The following ERCC6L2 variants were observed in gnomAD, a reference collection of about 807,000 sequenced individuals.
ERCC6L2 encodes the protein ERCC excision repair 6 like 2.
ERCC6L2 carries 77 observed loss-of-function variants against 132.0 expected under a neutral mutation model. That is an observed-to-expected ratio of 0.58 (90% confidence interval 0.49 to 0.71). The LOEUF (loss-of-function observed/expected upper bound fraction) is 0.71. ERCC6L2 is among the 30% of genes least tolerant of loss of function. The pLI is 0.00. For missense variants in ERCC6L2, 1,542 were observed against 1,837.6 expected (o/e 0.84, Z 2.94); for synonymous variants, 583 against 632.4 (o/e 0.92, Z 1.17).
At chr9:95,886,610 A>G (rs145875509) in intron 2 of ERCC6L2, among the ~76,000 whole-genome samples, 117 of 152,324 alleles carry the variant, frequency 7.7e-4, no homozygotes, top group African/African-American at 2.7e-3. Flanking sequence ...ATTGGTTGAC[A>G]TTTGATAAGT....
intron 17 of ERCC6L2, among the ~76,000 whole-genome samples, chr9:95,979,886 G>GT (rs544794388): frequency 2.0e-4 from 30 of 151,588 alleles, no homozygotes; most frequent in Admixed American, 7.2e-4. Context: ...TTTTTATTAG[G>GT]TTTTTTTTTA....
Position 95,973,001 on chromosome 9 carries a change from AC to A in ERCC6L2, c.3251del (p.Thr1084IlefsTer8), listed in dbSNP as rs1341793684. ...GCCTAGCCATAATAAGAAAAATAGC[AC>A]TTTTATTCCAAGAAAACCAATGAAA... ...KLPSHNKKNSTFIPRKPMKCS... is the reference protein window; with the variant it reads ...KLPSHNKKNSXFIPRKPMKCS... On this transcript the variant is annotated frameshift_variant, in exon 16 of 19. Coordinates refer to ENST00000653738, the MANE Select transcript of ERCC6L2 (RefSeq NM_020207.7). LOFTEE classifies it high-confidence loss of function. 2 of 1,357,970 alleles carry A rather than the reference AC, an allele frequency of 1.5e-6. No individual in the cohort carries two copies. Among genetic ancestry groups the A allele is most frequent in the Non-Finnish European group, 2.0e-6 (2 of 1,017,254 alleles). The allele number at this position is 1,357,970 out of a possible 1,614,324, so 84.1% of individuals were successfully genotyped here.
At chr9:95,974,480 G>T (rs62562992) in intron 16 of ERCC6L2, among the ~76,000 whole-genome samples, 13,276 of 152,064 alleles carry the variant, frequency 0.087, 655 homozygotes, top group Admixed American at 0.14. Context: ...GAATATTTTG[G>T]TTCCTGAAGC....
intron 15 of ERCC6L2, 142 bp downstream of exon 15, chr9:95,970,798 A>G: frequency 2.5e-6 from 1 of 393,476 alleles, no homozygotes; most frequent in Non-Finnish European, 4.3e-6. Context: ...AGGACTATGG[A>G]TAAAATTAAT....
intron 16 of ERCC6L2, among the ~76,000 whole-genome samples, chr9:95,976,989 A>G (rs1832698574): frequency 6.6e-6 from 1 of 152,116 alleles, no homozygotes; most frequent in South Asian, 2.1e-4. Context: ...TAAGTACTGA[A>G]TTACCCTTTG....
rs766051968 is a variant in ERCC6L2 at position 95,972,017 on chromosome 9, G to A, written c.2266G>A (p.Asp756Asn). ...AAAGGAAGCATGTGATCTCTGCAGTGACTTCAGTGATGAAGAGCCAGTGGG... is the reference window on the plus strand; with the variant it reads ...AAAGGAAGCATGTGATCTCTGCAGTAACTTCAGTGATGAAGAGCCAGTGGG... The part of the protein sequence containing the change: ...LAKEACDLCS[D>N]FSDEEPVGAT... Residue 756 changes from aspartate to asparagine, a missense_variant, in exon 16 of 19, where the codon GAC becomes AAC. Around this residue, in one of 4 missense-constraint regions of ERCC6L2, gnomAD observed 945 missense variants for 1,105.2 expected, o/e 0.86. Transcript: ENST00000653738. The A allele has an allele frequency of 5.4e-5, 71 of 1,304,082 alleles. 1 individual carries two copies. The South Asian group carries it at 8.5e-4, about 16-fold the overall frequency. The allele number at this position is 1,304,082 out of a possible 1,614,324, so 80.8% of individuals were successfully genotyped here.
chr9:95,923,689 G>A (rs1829979000), intron 9 of ERCC6L2, among the ~76,000 whole-genome samples: 1 of 152,154 alleles, frequency 6.6e-6, no homozygotes, highest in African/African-American at 2.4e-5. Context: ...CTTGTCTTCA[G>A]ATGTTTAAGG....
rs565251386 is a variant in ERCC6L2 at position 95,972,145 on chromosome 9, G to T, written c.2394G>T (p.Leu798Phe). The T allele has an allele frequency of 4.9e-5, 64 of 1,304,228 alleles. No individual in the cohort carries two copies. In the South Asian group the frequency reaches 7.7e-4, roughly 16 times the overall value. The allele number at this position is 1,304,228 out of a possible 1,614,324, so 80.8% of individuals were successfully genotyped here. A position where few individuals can be genotyped will look rare whatever the true frequency, so the allele number is the denominator to read the frequency against. ...LTLLQCGFSK[L>F]LETKCKAVED... is the part of the protein sequence containing the mutation. ...TACTCCAGTGTGGTTTCTCGAAATT[G>T]CTTGAAACAAAATGTAAAGCAGTTG... The change falls in exon 16 of 19, where the codon TTG becomes TTT. Residue 798 changes from leucine to phenylalanine, a missense_variant. This residue lies in a region of ERCC6L2 where 945 missense variants were observed against 1,105.2 expected (regional missense o/e 0.86). Transcript: ENST00000653738.
chr9:95,943,295 G>A (rs1587948364), intron 12 of ERCC6L2, among the ~76,000 whole-genome samples: 1 of 150,424 alleles, frequency 6.6e-6, no homozygotes, highest in Admixed American at 6.6e-5. Context: ...TCTTAGAATT[G>A]TTTTTTTTTC....
At chr9:95,979,317 G>A (rs1832797744) in intron 17 of ERCC6L2, among the ~76,000 whole-genome samples, 1 of 152,132 alleles carries the variant, frequency 6.6e-6, no homozygotes, top group Non-Finnish European at 1.5e-5. Context: ...CCTGGACAGG[G>A]GACTGGGTTG....
At chr9:95,957,686 C>T (rs772658791) in intron 13 of ERCC6L2, among the ~76,000 whole-genome samples, 16 of 151,614 alleles carry the variant, frequency 1.1e-4, no homozygotes, top group Non-Finnish European at 1.8e-4. Flanking sequence ...TGATAAAACA[C>T]GCTTCAGAAG....
chr9:96,013,261 A>G lies in ERCC6L2; in HGVS notation c.*58A>G, dbSNP rs1407497669. On this transcript the variant is annotated 3_prime_UTR_variant, in exon 19 of 19. Coordinates refer to ENST00000653738, the MANE Select transcript of ERCC6L2 (RefSeq NM_020207.7). ...CTGCCATCACTGTTTACGGCACTGG[A>G]TTCCACACTGATTCTATTATCTTGA... is the stretch of plus-strand genomic sequence containing the variant. The G allele has an allele frequency of 1.6e-6, 2 of 1,236,054 alleles. No homozygotes were observed. Among genetic ancestry groups the G allele is most frequent in the Non-Finnish European group, 2.1e-6 (2 of 941,772 alleles). The allele number at this position is 1,236,054 out of a possible 1,614,324, so 76.6% of individuals were successfully genotyped here.
chr9:95,895,728 CTT>C (rs10711041), intron 2 of ERCC6L2, among the ~76,000 whole-genome samples: 17 of 134,956 alleles, frequency 1.3e-4, no homozygotes, highest in Admixed American at 7.6e-5. Context: ...GTTGTCATAG[CTT>C]TTTTTTTTTT....
chr9:95,968,799 T>A (rs771741151), intron 14 of ERCC6L2: 5 of 152,292 alleles, frequency 3.3e-5, no homozygotes, highest in Non-Finnish European at 7.4e-5. Flanking sequence ...CATAGAGCTT[T>A]GCATACATAA....
At chr9:95,928,931 A>G in intron 11 of ERCC6L2, 67 bp downstream of exon 11, 1 of 1,235,722 alleles carries the variant, frequency 8.1e-7, no homozygotes, top group Non-Finnish European at 1.1e-6. Flanking sequence ...ATAATTTTTA[A>G]AACTATTACT....
intron 4 of ERCC6L2, among the ~76,000 whole-genome samples, chr9:95,911,381 T>G (rs1380272308): frequency 1.3e-5 from 2 of 152,186 alleles, no homozygotes; most frequent in Non-Finnish European, 2.9e-5. Context: ...CTCAGTACTT[T>G]TAGCACATAA....
At chr9:95,991,683 C>A (rs1213469137) in intron 17 of ERCC6L2, among the ~76,000 whole-genome samples, 1 of 152,186 alleles carries the variant, frequency 6.6e-6, no homozygotes, top group Non-Finnish European at 1.5e-5. Flanking sequence ...AGCATTGACA[C>A]CTTCCCAATA....
At chr9:95,922,544 A>AAATGTAGAT in intron 8 of ERCC6L2, 126 bp downstream of exon 8, 1 of 625,342 alleles carries the variant, frequency 1.6e-6, no homozygotes, top group Non-Finnish European at 2.8e-6. Flanking sequence ...GCTTATTTTT[A>AAATGTAGAT]AATGTAGATA....
chr9:95,889,414 G>A (rs1828042257), intron 2 of ERCC6L2, among the ~76,000 whole-genome samples: 1 of 152,034 alleles, frequency 6.6e-6, no homozygotes, highest in Non-Finnish European at 1.5e-5. Flanking sequence ...TGTCTTTTCA[G>A]TAGCCTTTGA....
Sources: gnomAD v4.1 joint callset for allele counts (sites outside exome capture counted in the v4.1 genomes callset) on GRCh38, gnomAD v4.1.1 for gene constraint, gnomAD v4.1.1 regional missense constraint, MANE v1.5 for transcripts, NCBI Gene and HGNC (gene_info 2026-07-23, HGNC 2026-07-21) for gene names.